The following NCAN variants were observed in gnomAD, a reference collection of about 807,000 sequenced individuals.
NCAN encodes the protein neurocan core protein.
Under a neutral mutation model 121.8 loss-of-function variants are expected in NCAN, and 47 were observed. That is an observed-to-expected ratio of 0.39 (90% CI 0.31 to 0.49). NCAN has a LOEUF of 0.49. NCAN is among the 20% of genes least tolerant of loss of function. The pLI, the probability that NCAN is intolerant of heterozygous loss-of-function variation, is 0.92. For synonymous variants in NCAN, 633 were observed against 702.0 expected (o/e 0.90, Z 1.55); for missense variants, 1,517 against 1,773.4 (o/e 0.86, Z 2.60).
In NCAN at chr19:19,240,703, C is replaced by T. The variant is rs373322419; in HGVS notation, c.3492+18C>T. On this transcript the variant is annotated intron_variant, in intron 12 of 14. Coordinates refer to ENST00000252575, the MANE Select transcript of NCAN (RefSeq NM_004386.3). ...CCGGGCTGGTGAGTGGCAGGGGCTGCGGGCCTAGGCTGCTGAGCCACATCA... is the reference window on the plus strand; with the variant it reads ...CCGGGCTGGTGAGTGGCAGGGGCTGTGGGCCTAGGCTGCTGAGCCACATCA... 1.6e-4 allele frequency: 257 copies of T among 1,611,986 alleles called. No individual in the cohort carries two copies. In the African/African-American group the frequency reaches 2.3e-3, roughly 14 times the overall value.
chr19:19,245,401 G>T lies in NCAN; in HGVS notation c.3581G>T (p.Arg1194Leu), dbSNP rs368157092. 3.7e-6 allele frequency: 6 copies of T among 1,614,194 alleles called. No individual in the cohort carries two copies. The Admixed American group carries it at 8.3e-5, about 22-fold the overall frequency. Reference sequence around the variant, plus strand: ...GTGATGGTGGCGCATGAAAGCGGGCGCTGGAACGATGTCCCCTGCAACTAC... The same window carrying T: ...GTGATGGTGGCGCATGAAAGCGGGCTCTGGAACGATGTCCCCTGCAACTAC... ...CVVMVAHESG[R>L]WNDVPCNYNL... The change falls in exon 13 of 15, where the codon CGC becomes CTC. Residue 1194 changes from arginine (R) to leucine (L), a missense_variant. Arg to Leu is a moderately radical substitution (Grantham distance 102). Transcript: ENST00000252575.
intron 10 of NCAN, among the ~76,000 whole-genome samples, chr19:19,235,637 C>T (rs1174887087): frequency 2.0e-5 from 3 of 151,096 alleles, no homozygotes; most frequent in Non-Finnish European, 4.4e-5. Flanking sequence ...AATGTAGTGG[C>T]ACAATCTCAG....
Position 19,227,763 on chromosome 19 carries a change from C to G in NCAN, c.2143C>G (p.Gln715Glu), listed in dbSNP as rs766363620. The stretch of plus-strand genomic sequence containing the variant: ...AGAAACTGGGGAGACCAGCCCTGCT[C>G]AGGTCAACAAAGCTGAGCACTCCAG... ...FRETGETSPAQVNKAEHSSSS... is the reference protein window; with the variant it reads ...FRETGETSPAEVNKAEHSSSS... Residue 715 changes from glutamine to glutamate, a missense_variant, in exon 8 of 15, where the codon CAG (glutamine) becomes GAG (glutamate). Coordinates refer to ENST00000252575, the MANE Select transcript of NCAN (RefSeq NM_004386.3). This position sits in a 1 kb window ranked among gnomAD's most constrained non-coding sequence, Gnocchi z 4.2. 5.6e-6 allele frequency: 9 copies of G among 1,613,628 alleles called. No individual in the cohort carries two copies. The highest frequency in any genetic ancestry group is 7.6e-6 in the Non-Finnish European group (9 of 1,180,028).
chr19:19,230,883 C>CTGTGTGTGTGTG (rs367759381), intron 8 of NCAN, among the ~76,000 whole-genome samples: 1,796 of 121,784 alleles, frequency 0.015, 34 homozygotes, highest in East Asian at 0.045. Flanking sequence ...CCACACCCGG[C>CTGTGTGTGTGTG]TGTGTGTGTG....
At position 19,228,769 on chromosome 19, in the gene NCAN, C is replaced by T. The variant is rs544363609; in HGVS notation, c.3019+130C>T. 1.7e-4 allele frequency: 172 copies of T among 1,025,420 alleles called. 1 individual carries two copies. Among genetic ancestry groups the T allele is most frequent in the Middle Eastern group, 3.3e-4 (1 of 3,018 alleles). 63.5% of individuals were successfully genotyped at this position (1,025,420 alleles called of 1,614,324 possible). On this transcript the variant is annotated intron_variant, in intron 8 of 14. Transcript: ENST00000252575. ...CTGGAAGCTTTCTAGTGGGGCATGA[C>T]GCTGGAGGTAGGAGCTTATCAGGTG...
chr19:19,228,320 G>A lies in NCAN; in HGVS notation c.2700G>A (p.Glu900=). ...CCTCAAGCTCCCAACCCCACCCAGA[G>A]CCAGAGGATCAGGTGGAGACCCAGG... ...LGSSSSQPHP[E]PEDQVETQGT... Residue 900 remains glutamate (E), a synonymous_variant, in exon 8 of 15, where the codon GAG becomes GAA. Transcript: ENST00000252575. 1 of 1,613,992 alleles carries A rather than the reference G, an allele frequency of 6.2e-7. No homozygotes were observed. The highest frequency in any genetic ancestry group is 1.1e-5 in the South Asian group (1 of 91,074).
chr19:19,230,394 C>G (rs995951763), intron 8 of NCAN, among the ~76,000 whole-genome samples: 3 of 129,864 alleles, frequency 2.3e-5, no homozygotes, highest in Admixed American at 9.8e-5. Context: ...CCGCACCCCC[C>G]ACCCCCAAAT....
At position 19,250,039 on chromosome 19, in the gene NCAN, C is replaced by T. The variant is rs937084835; in HGVS notation, c.*128C>T. On this transcript the variant is annotated 3_prime_UTR_variant, in exon 15 of 15. Transcript: ENST00000252575. ...TGAACCCCAAACCACATCCCCCACA[C>T]ACATAATCCTTTGTACAAAGCTCCT... 2 of 955,174 alleles carry T rather than the reference C, an allele frequency of 2.1e-6. No individual in the cohort carries two copies. Among genetic ancestry groups the T allele is most frequent in the Non-Finnish European group, 1.6e-6 (1 of 607,116 alleles). The allele number at this position is 955,174 out of a possible 1,614,324, so 59.2% of individuals were successfully genotyped here. A position where few individuals can be genotyped will look rare whatever the true frequency, so the allele number is the denominator to read the frequency against.
At position 19,230,883 on chromosome 19, in the gene NCAN, C is replaced by CTGTGTGTGTGTGTG. The variant is rs367759381; in HGVS notation, c.3019+2276_3019+2289dup. Among the ~76,000 whole-genome samples, 710 of 121,812 alleles carry CTGTGTGTGTGTGTG rather than the reference C, an allele frequency of 5.8e-3. 4 individuals are homozygous for CTGTGTGTGTGTGTG. The highest frequency in any genetic ancestry group is 0.018 in the East Asian group (74 of 4,016). 79.9% of individuals were successfully genotyped at this position (121,812 alleles called of 152,430 possible). On this transcript the variant is annotated intron_variant, in intron 8 of 14. Transcript: ENST00000252575. ...ACAGGCATGCAACCACCACACCCGGCTGTGTGTGTGTGTGTGTGTGTGTGT... is the reference window on the plus strand; with the variant it reads ...ACAGGCATGCAACCACCACACCCGGCTGTGTGTGTGTGTGTGTGTGTGTGTGTGTGTGTGTGTGT...
intron 3 of NCAN, among the ~76,000 whole-genome samples, chr19:19,223,013 G>A (rs2060822381): frequency 6.6e-6 from 1 of 152,170 alleles, no homozygotes; most frequent in African/African-American, 2.4e-5. Context: ...GGAGGCTGAG[G>A]CAGGAGAATG....
At chr19:19,220,377 T>A (rs1270772773) in intron 3 of NCAN, among the ~76,000 whole-genome samples, 1 of 151,476 alleles carries the variant, frequency 6.6e-6, no homozygotes, top group Non-Finnish European at 1.5e-5. Flanking sequence ...GGCAATTTTT[T>A]AAAAGTAAGT....
Position 19,229,670 on chromosome 19 carries a change from G to A in NCAN, c.3019+1031G>A, listed in dbSNP as rs111272008. ...CCAGCAGCGTCCATAGAAATCGGCT[G>A]CCCTGTTCTCCCTGGGGCCAGGTCA... On this transcript the variant is annotated intron_variant, in intron 8 of 14. Transcript: ENST00000252575. Among the ~76,000 whole-genome samples, 516 of 152,342 alleles carry A rather than the reference G, an allele frequency of 3.4e-3. 3 individuals carry two copies. The highest frequency in any genetic ancestry group is 0.012 in the African/African-American group (497 of 41,566).
Position 19,225,287 on chromosome 19 carries a change from G to C in NCAN, c.1072+17G>C. 6.6e-7 allele frequency: 1 copy of C among 1,509,024 alleles called. No homozygotes were observed. The highest frequency in any genetic ancestry group is 1.3e-5 in the South Asian group (1 of 77,328). The allele number at this position is 1,509,024 out of a possible 1,614,324, so 93.5% of individuals were successfully genotyped here. A position where few individuals can be genotyped will look rare whatever the true frequency, so the allele number is the denominator to read the frequency against. ...GCTTCCGAGGTGCGTGCGTCCCCTG[G>C]TGGCCGCGCCCCCAGGGCTTTCACT... On this transcript the variant is annotated intron_variant, in intron 6 of 14. Transcript: ENST00000252575. The surrounding 1 kb of genome is among the most constrained non-coding windows in gnomAD (Gnocchi z 4.0).
rs531272306 is a variant in NCAN, at chr19:19,217,121, T to C, written c.73+95T>C. The stretch of plus-strand genomic sequence containing the variant: ...CCAGAGCCTTCTCCTGCTGGTCTCC[T>C]GGCATGGGCTAGAGAATAAAATGAG... On this transcript the variant is annotated intron_variant, in intron 2 of 14. Transcript: ENST00000252575. 3.5e-6 allele frequency: 3 copies of C among 856,358 alleles called. No homozygotes were observed. The Admixed American group carries it at 9.5e-5, about 27-fold the overall frequency. The allele number at this position is 856,358 out of a possible 1,614,324, so 53.0% of individuals were successfully genotyped here.
intron 3 of NCAN, among the ~76,000 whole-genome samples, chr19:19,222,853 A>C (rs928277471): frequency 2.0e-5 from 3 of 151,948 alleles, no homozygotes; most frequent in African/African-American, 4.8e-5. Context: ...TCATGCCTGT[A>C]ATCCCAGCAC....
In NCAN at chr19:19,250,173, A is replaced by G. The variant is rs1295616465; in HGVS notation, c.*262A>G. 5 of 633,340 alleles carry G rather than the reference A, an allele frequency of 7.9e-6. No individual in the cohort carries two copies. Among genetic ancestry groups the G allele is most frequent in the Admixed American group, 6.3e-5 (3 of 47,622 alleles). 39.2% of individuals were successfully genotyped at this position (633,340 alleles called of 1,614,324 possible). ...CTGGGAGTGTGTCCCAGCTGAGGGA[A>G]GCACAAGTAGCAAAGCTCATTGGTC... On this transcript the variant is annotated 3_prime_UTR_variant, in exon 15 of 15. Coordinates refer to ENST00000252575, the MANE Select transcript of NCAN (RefSeq NM_004386.3).
Position 19,225,322 on chromosome 19 carries a change from G to A in NCAN, c.1072+52G>A. 4 of 1,460,914 alleles carry A rather than the reference G, an allele frequency of 2.7e-6. No individual in the cohort carries two copies. The allele number at this position is 1,460,914 out of a possible 1,614,324, so 90.5% of individuals were successfully genotyped here. A position where few individuals can be genotyped will look rare whatever the true frequency, so the allele number is the denominator to read the frequency against. ...CCCCAGGGCTTTCACTTTGGCGAAGGCCACGTCCCTGAAAGCCTCGCCAAG... is the reference window on the plus strand; with the variant it reads ...CCCCAGGGCTTTCACTTTGGCGAAGACCACGTCCCTGAAAGCCTCGCCAAG... On this transcript the variant is annotated intron_variant, in intron 6 of 14. Coordinates refer to ENST00000252575, the MANE Select transcript of NCAN (RefSeq NM_004386.3). This position sits in a 1 kb window ranked among gnomAD's most constrained non-coding sequence, Gnocchi z 4.0.
intron 12 of NCAN, among the ~76,000 whole-genome samples, chr19:19,244,469 C>T (rs967104918): frequency 5.9e-5 from 9 of 151,548 alleles, no homozygotes; most frequent in Admixed American, 1.3e-4. Context: ...CCATCATGCC[C>T]GGCTAATTTT....
intron 12 of NCAN, among the ~76,000 whole-genome samples, chr19:19,243,881 C>T (rs2060913873): frequency 6.6e-6 from 1 of 151,912 alleles, no homozygotes; most frequent in African/African-American, 2.4e-5. Context: ...CAAAAATTAG[C>T]TGGGCATGGT....
Sources: gnomAD v4.1 joint callset for allele counts (sites outside exome capture counted in the v4.1 genomes callset) on GRCh38, gnomAD v4.1.1 for gene constraint, Gnocchi (gnomAD v3.1) non-coding constraint, MANE v1.5 for transcripts, NCBI Gene and HGNC (gene_info 2026-07-23, HGNC 2026-07-21) for gene names.